Variants in FEM1C observed in about 807,000 individuals in gnomAD.
The protein encoded by FEM1C is protein fem-1 homolog C.
In FEM1C, 15 loss-of-function variants were observed where a neutral mutation model predicts 37.6. The observed-to-expected ratio is 0.40, with a 90% CI of 0.27 to 0.61. The LOEUF (loss-of-function observed/expected upper bound fraction) is 0.61. Among genes scored for constraint, FEM1C ranks in the 20% least tolerant of loss-of-function variants. The probability of loss-of-function intolerance (pLI) is 0.42; values close to 1 mark genes in which losing one functional copy is unlikely to be tolerated. For missense variants in FEM1C, 532 were observed against 749.7 expected (o/e 0.71, Z 3.39); for synonymous variants, 287 against 272.8 (o/e 1.05, Z -0.51).
At chr5:115,536,378 C>A (rs1754128693) in intron 2 of FEM1C, among the ~76,000 whole-genome samples, 1 of 151,948 alleles carries the variant, frequency 6.6e-6, no homozygotes, top group African/African-American at 2.4e-5. Flanking sequence ...TCTCTTTCTT[C>A]AGCCTACTAT....
chr5:115,541,776 T>G (rs1327203724), intron 2 of FEM1C, among the ~76,000 whole-genome samples: 1 of 151,680 alleles, frequency 6.6e-6, no homozygotes, highest in Admixed American at 6.6e-5. Context: ...GTTAGAAAAA[T>G]AAATAAAGAT....
chr5:115,540,675 T>TA (rs1410609386), intron 2 of FEM1C, among the ~76,000 whole-genome samples: 1 of 152,124 alleles, frequency 6.6e-6, no homozygotes, highest in Non-Finnish European at 1.5e-5. Context: ...CTGAGCTATT[T>TA]ATATTAGAGT....
chr5:115,543,779 A>C, intron 1 of FEM1C, 96 bp from the exon 2 acceptor site: 4 of 1,202,118 alleles, frequency 3.3e-6, no homozygotes, highest in Non-Finnish European at 4.1e-6. Flanking sequence ...AAGGAATAAA[A>C]GCTATACTTC....
intron 2 of FEM1C, among the ~76,000 whole-genome samples, chr5:115,533,574 C>T (rs1330666545): frequency 2.6e-5 from 4 of 151,804 alleles, no homozygotes; most frequent in Admixed American, 1.3e-4. Context: ...TGGTGCATAA[C>T]GATATATGCC....
At chr5:115,525,975 A>C (rs1753882225) in intron 2 of FEM1C, among the ~76,000 whole-genome samples, 1 of 152,124 alleles carries the variant, frequency 6.6e-6, no homozygotes, top group African/African-American at 2.4e-5. Context: ...CATTTTACTG[A>C]CAAGTCACTT....
intron 2 of FEM1C, 57 bp downstream of exon 2, chr5:115,542,893 T>C (rs1754270528): frequency 6.4e-7 from 1 of 1,559,604 alleles, no homozygotes; most frequent in African/African-American, 1.4e-5. Flanking sequence ...TAATGATGTA[T>C]CAAACTTCCT....
At chr5:115,530,458 T>C (rs1753991132) in intron 2 of FEM1C, among the ~76,000 whole-genome samples, 2 of 152,106 alleles carry the variant, frequency 1.3e-5, no homozygotes, top group Non-Finnish European at 2.9e-5. Context: ...TCTAAACATA[T>C]CTTTCTCAGT....
Position 115,522,365 on chromosome 5 carries a change from T to C in FEM1C, c.*1943A>G, listed in dbSNP as rs1305560563. 1 of 151,942 alleles carries C rather than the reference T, an allele frequency of 6.6e-6. No homozygotes were observed. Among genetic ancestry groups the C allele is most frequent in the Admixed American group, 6.6e-5 (1 of 15,214 alleles). 9.4% of individuals were successfully genotyped at this position (151,942 alleles called of 1,614,324 possible). A position where few individuals can be genotyped will look rare whatever the true frequency, so the allele number is the denominator to read the frequency against. On this transcript the variant is annotated 3_prime_UTR_variant, in exon 3 of 3. Coordinates refer to ENST00000274457, the MANE Select transcript of FEM1C (RefSeq NM_020177.3). ...TAAATCATAAAGTATTCTTAATATA[T>C]GTGACAGTTCAAATATTTCATCAAA...
chr5:115,537,100 G>A (rs774284847), intron 2 of FEM1C, among the ~76,000 whole-genome samples: 57 of 151,964 alleles, frequency 3.8e-4, no homozygotes, highest in Non-Finnish European at 7.5e-4. Context: ...AAAAAAAGAA[G>A]GAAGACATGT....
At chr5:115,531,900 C>A (rs1282438679) in intron 2 of FEM1C, among the ~76,000 whole-genome samples, 2 of 152,102 alleles carry the variant, frequency 1.3e-5, no homozygotes, top group Non-Finnish European at 2.9e-5. Flanking sequence ...CTCCCACACA[C>A]AAGGGAGAAA....
intron 2 of FEM1C, among the ~76,000 whole-genome samples, chr5:115,538,877 C>T (rs1754183493): frequency 6.6e-6 from 1 of 151,994 alleles, no homozygotes; most frequent in African/African-American, 2.4e-5. Context: ...AAACTTTCTG[C>T]AGATCTAAAC....
intron 2 of FEM1C, among the ~76,000 whole-genome samples, chr5:115,531,675 G>A (rs1380332834): frequency 6.6e-6 from 1 of 152,040 alleles, no homozygotes; most frequent in Non-Finnish European, 1.5e-5. Flanking sequence ...TAAATTAATG[G>A]ATATGGCTGT....
rs1753824802 is a variant in FEM1C, at chr5:115,523,838, ACCTAGTATGGGTC to A, written c.*457_*469del. ...GTAACGAGTCCTTAAGGTTTGTACA[ACCTAGTATGGGTC>A]CATAAGGAAAAAACTGTAGTAGAAA... On this transcript the variant is annotated 3_prime_UTR_variant, in exon 3 of 3. Transcript: ENST00000274457. 6.0e-6 allele frequency: 1 copy of A among 166,524 alleles called. No homozygotes were observed. Among genetic ancestry groups the A allele is most frequent in the Admixed American group, 5.6e-5 (1 of 17,778 alleles). 10.3% of individuals were successfully genotyped at this position (166,524 alleles called of 1,614,324 possible).
At chr5:115,537,260 T>C (rs1228906813) in intron 2 of FEM1C, among the ~76,000 whole-genome samples, 2 of 152,042 alleles carry the variant, frequency 1.3e-5, no homozygotes, top group Non-Finnish European at 2.9e-5. Context: ...CAAACAAACA[T>C]ATTTTATCAA....
chr5:115,528,590 G>C (rs1753952996), intron 2 of FEM1C, among the ~76,000 whole-genome samples: 1 of 152,074 alleles, frequency 6.6e-6, no homozygotes, highest in Non-Finnish European at 1.5e-5. Context: ...AGGATGACTA[G>C]TATACAGAAT....
At chr5:115,542,214 T>C (rs1754256833) in intron 2 of FEM1C, among the ~76,000 whole-genome samples, 1 of 152,208 alleles carries the variant, frequency 6.6e-6, no homozygotes, top group Non-Finnish European at 1.5e-5. Context: ...ACAAAAATTA[T>C]ACACAATCAA....
At chr5:115,528,158 T>C (rs1753942328) in intron 2 of FEM1C, among the ~76,000 whole-genome samples, 1 of 151,912 alleles carries the variant, frequency 6.6e-6, no homozygotes, top group African/African-American at 2.4e-5. Context: ...GACTTTCACA[T>C]CCAGTAATGG....
chr5:115,537,663 A>G (rs1754156341), intron 2 of FEM1C, among the ~76,000 whole-genome samples: 1 of 152,086 alleles, frequency 6.6e-6, no homozygotes, highest in South Asian at 2.1e-4. Flanking sequence ...AGTGTTAATG[A>G]CTTCAACTAG....
At chr5:115,540,739 CG>C (rs1434789934) in intron 2 of FEM1C, among the ~76,000 whole-genome samples, 1 of 152,064 alleles carries the variant, frequency 6.6e-6, no homozygotes, top group Non-Finnish European at 1.5e-5. Context: ...GAAAATATAA[CG>C]GAAGTAATAC....
Sources: gnomAD v4.1 joint callset for allele counts (sites outside exome capture counted in the v4.1 genomes callset) on GRCh38, gnomAD v4.1.1 for gene constraint, MANE v1.5 for transcripts, NCBI Gene and HGNC (gene_info 2026-07-23, HGNC 2026-07-21) for gene names.